SPTB: variants seen among roughly 807,000 people sequenced by gnomAD.
The protein encoded by SPTB is spectrin beta chain, erythrocytic.
A neutral mutation model predicts 256.2 loss-of-function variants in SPTB; 45 were observed. That is an observed-to-expected ratio of 0.18 (90% CI 0.14 to 0.23). The LOEUF is 0.23. Among genes scored for constraint, SPTB ranks in the 10% least tolerant of loss-of-function variants. The pLI is 1.00. For synonymous variants in SPTB, 1,231 were observed against 1,243.1 expected (o/e 0.99, Z 0.21); for missense variants, 2,715 against 3,040.4 (o/e 0.89, Z 2.52).
rs2083703889 is a variant in SPTB, at chr14:64,847,035, C to T, written c.-51-23890G>A. Among the ~76,000 whole-genome samples the T allele has an allele frequency of 6.6e-6, 1 of 152,196 alleles. No individual in the cohort carries two copies. The highest frequency in any genetic ancestry group is 2.1e-4 in the South Asian group (1 of 4,836). The stretch of plus-strand genomic sequence containing the variant: ...GCCAGTCGCCCACCCATACTGCCTC[C>T]ATCCTCATGTTTCTCAACAGTCATA... On this transcript the variant is annotated intron_variant, in intron 1 of 35. Transcript: ENST00000644917. The surrounding 1 kb of genome is among the most constrained non-coding windows in gnomAD (Gnocchi z 5.9).
At chr14:64,832,927 G>A (rs185051611) in intron 1 of SPTB, among the ~76,000 whole-genome samples, 1 of 152,260 alleles carries the variant, frequency 6.6e-6, no homozygotes, top group East Asian at 1.9e-4. Flanking sequence ...TTTCTACACT[G>A]AGGCCAGACA....
At chr14:64,867,924 C>T (rs1594858784) in intron 1 of SPTB, among the ~76,000 whole-genome samples, 1 of 149,008 alleles carries the variant, frequency 6.7e-6, no homozygotes, top group East Asian at 2.0e-4. Flanking sequence ...AGATTCTAGG[C>T]ATAGAAAAAG....
intron 26 of SPTB, 112 bp from the exon 27 acceptor site, chr14:64,771,241 C>T (rs1344560376): frequency 1.4e-5 from 21 of 1,547,184 alleles, no homozygotes; most frequent in Non-Finnish European, 1.8e-5. Flanking sequence ...CAGGGCACTG[C>T]TGGAAGGTAG....
intron 32 of SPTB, chr14:64,766,362 AAGG>A: frequency 7.9e-7 from 1 of 1,263,934 alleles, no homozygotes; most frequent in African/African-American, 1.5e-5. Context: ...AAATGGGGAA[AAGG>A]ACGGTGTACA....
rs1196074660 is a variant in SPTB at position 64,747,820 on chromosome 14, C to T, written c.*1486G>A. ...CCTCCGCCCTCCCCCCCACCCCCGA[C>T]CCGCTTGACTGCTCTCTTGGACCTA... On this transcript the variant is annotated 3_prime_UTR_variant, in exon 36 of 36. Coordinates refer to ENST00000644917, the MANE Select transcript of SPTB (RefSeq NM_001355436.2). 2.2e-5 allele frequency: 3 copies of T among 135,902 alleles called. No individual in the cohort carries two copies. The highest frequency in any genetic ancestry group is 4.7e-5 in the Non-Finnish European group (3 of 63,252). 8.4% of individuals were successfully genotyped at this position (135,902 alleles called of 1,614,324 possible). A position where few individuals can be genotyped will look rare whatever the true frequency, so the allele number is the denominator to read the frequency against.
chr14:64,772,912 C>T lies in SPTB; in HGVS notation c.5221G>A (p.Ala1741Thr), dbSNP rs1422841899. Reference protein sequence around the residue: ...KFRDFARETGAIGQERVDNVN... With the variant: ...KFRDFARETGTIGQERVDNVN... Reference sequence around the variant, plus strand: ...TTGTCCACCCGCTCCTGCCCAATCGCCCCGGTCTCCCGGGCAAAGTCCCGG... The same window carrying T: ...TTGTCCACCCGCTCCTGCCCAATCGTCCCGGTCTCCCGGGCAAAGTCCCGG... Residue 1741 changes from alanine (A) to threonine (T), a missense_variant, in exon 26 of 36, where the codon GCG (alanine) becomes ACG (threonine). This residue lies in a region of SPTB where 2,239 missense variants were observed against 2,384.4 expected (regional missense o/e 0.94). Transcript: ENST00000644917. The surrounding 1 kb of genome is among the most constrained non-coding windows in gnomAD (Gnocchi z 5.4). 8 of 1,604,324 alleles carry T rather than the reference C, an allele frequency of 5.0e-6. No homozygotes were observed. The highest frequency in any genetic ancestry group is 2.7e-5 in the African/African-American group (2 of 74,808).
chr14:64,793,654 G>A lies in SPTB; in HGVS notation c.2009C>T (p.Thr670Ile), dbSNP rs778179430. The A allele has an allele frequency of 6.2e-7, 1 of 1,614,156 alleles. No individual in the cohort carries two copies. Among genetic ancestry groups the A allele is most frequent in the South Asian group, 1.1e-5 (1 of 91,080 alleles). ...CTTGCGCTGTAAGATGAGCACACTG[G>A]TCAGGTCTTTGCCATAGTCCAGGGA... Reference protein sequence around the residue: ...YSSLDYGKDLTSVLILQRKHK... With the variant: ...YSSLDYGKDLISVLILQRKHK... The change falls in exon 14 of 36, where the codon ACC becomes ATC. Residue 670 changes from threonine to isoleucine, a missense_variant. Physicochemically the swap from Thr to Ile is moderately conservative, Grantham distance 89 (BLOSUM62 -1). This residue lies in a region of SPTB where 2,239 missense variants were observed against 2,384.4 expected (regional missense o/e 0.94). Coordinates refer to ENST00000644917, the MANE Select transcript of SPTB (RefSeq NM_001355436.2). The surrounding 1 kb of genome is among the most constrained non-coding windows in gnomAD (Gnocchi z 7.0).
At chr14:64,863,561 G>A (rs1461001328) in intron 1 of SPTB, among the ~76,000 whole-genome samples, 1 of 152,162 alleles carries the variant, frequency 6.6e-6, no homozygotes, top group African/African-American at 2.4e-5. Context: ...ACGCAGCCTA[G>A]CATATAACAG....
chr14:64,843,439 G>A (rs1566798449), intron 1 of SPTB, among the ~76,000 whole-genome samples: 2 of 150,318 alleles, frequency 1.3e-5, no homozygotes, highest in African/African-American at 4.9e-5. Flanking sequence ...CTTCACTGGG[G>A]AAAAAAAAAC....
At position 64,747,761 on chromosome 14, in the gene SPTB, T is replaced by G. The variant is rs1431614163; in HGVS notation, c.*1545A>C. 6.6e-6 allele frequency: 1 copy of G among 152,420 alleles called. No homozygotes were observed. Among genetic ancestry groups the G allele is most frequent in the Non-Finnish European group, 1.5e-5 (1 of 68,280 alleles). 9.4% of individuals were successfully genotyped at this position (152,420 alleles called of 1,614,324 possible). On this transcript the variant is annotated 3_prime_UTR_variant, in exon 36 of 36. Coordinates refer to ENST00000644917, the MANE Select transcript of SPTB (RefSeq NM_001355436.2). ...AAACTTGACTGCAGGCCCTGGGGAC[T>G]TTCATGGTTTCCTTGGGGGAAAATG...
At chr14:64,878,188 T>G (rs944215437) in intron 1 of SPTB, among the ~76,000 whole-genome samples, 36 of 152,328 alleles carry the variant, frequency 2.4e-4, no homozygotes, top group African/African-American at 8.2e-4. Flanking sequence ...GTTTATGTCT[T>G]TCAATGGTGC....
At chr14:64,870,459 C>T (rs1392875853) in intron 1 of SPTB, among the ~76,000 whole-genome samples, 1 of 152,184 alleles carries the variant, frequency 6.6e-6, no homozygotes, top group Non-Finnish European at 1.5e-5. Flanking sequence ...TATTTACACC[C>T]TTCCCCACCT....
chr14:64,862,916 C>A, intron 1 of SPTB, among the ~76,000 whole-genome samples: 1 of 151,516 alleles, frequency 6.6e-6, no homozygotes, highest in Admixed American at 6.6e-5. Context: ...GGGATATTGG[C>A]AAATTTGAAT....
chr14:64,828,442 C>G (rs1263452700), intron 1 of SPTB, among the ~76,000 whole-genome samples: 2 of 152,202 alleles, frequency 1.3e-5, no homozygotes, highest in African/African-American at 4.8e-5. Context: ...ACTTCACATC[C>G]TGCACAGAGG....
intron 20 of SPTB, 150 bp downstream of exon 20, chr14:64,782,140 A>C: frequency 3.5e-6 from 4 of 1,155,096 alleles, no homozygotes; most frequent in Non-Finnish European, 5.1e-6. Context: ...TGATGTAATA[A>C]TATGTGCAAT....
At chr14:64,750,344 T>C in intron 33 of SPTB, 190 bp from the exon 34 acceptor site, 1 of 661,822 alleles carries the variant, frequency 1.5e-6, no homozygotes, top group South Asian at 2.5e-5. Flanking sequence ...ATTTTATGTA[T>C]TCCTTCTAGT....
At chr14:64,769,862 C>T (rs1349095131) in intron 27 of SPTB, 134 bp from the exon 28 acceptor site, 2 of 1,241,756 alleles carry the variant, frequency 1.6e-6, no homozygotes, top group Middle Eastern at 2.2e-4. Flanking sequence ...TCTGGCCAGC[C>T]AGGGGGTCCT....
chr14:64,783,550 A>G (rs1251336631), intron 19 of SPTB, among the ~76,000 whole-genome samples: 2 of 152,164 alleles, frequency 1.3e-5, no homozygotes, highest in African/African-American at 4.8e-5. Context: ...GTACTATGCT[A>G]AATGTTTCAT....
intron 2 of SPTB, among the ~76,000 whole-genome samples, chr14:64,814,202 G>C (rs1464318667): frequency 6.6e-6 from 1 of 152,184 alleles, no homozygotes; most frequent in Non-Finnish European, 1.5e-5. Flanking sequence ...CCAGCTACTT[G>C]GGAGGCTGAG....
Sources: allele counts gnomAD v4.1 joint callset (sites outside exome capture counted in the v4.1 genomes callset), GRCh38; gene constraint gnomAD v4.1.1; regional missense constraint gnomAD v4.1.1; non-coding constraint Gnocchi (gnomAD v3.1); transcripts MANE v1.5; gene names NCBI Gene and HGNC (gene_info 2026-07-23, HGNC 2026-07-21).